The following FBXL7 variants were observed in gnomAD, a reference collection of about 807,000 sequenced individuals.
FBXL7 encodes F-box and leucine rich repeat protein 7.
Under a neutral mutation model 38.3 loss-of-function variants are expected in FBXL7, and 12 were observed. That is an observed-to-expected ratio of 0.31 (90% CI 0.20 to 0.51). FBXL7 has a LOEUF of 0.51. Ranked by LOEUF, FBXL7 falls within the 20% of genes least tolerant of loss-of-function variation. The pLI, the probability that FBXL7 is intolerant of heterozygous loss-of-function variation, is 0.98. For synonymous variants in FBXL7, 297 were observed against 300.9 expected (o/e 0.99, Z 0.13); for missense variants, 567 against 676.4 (o/e 0.84, Z 1.79).
At chr5:15,612,621 T>G (rs558308309) in intron 1 of FBXL7, among the ~76,000 whole-genome samples, 78 of 152,292 alleles carry the variant, frequency 5.1e-4, no homozygotes, top group African/African-American at 1.6e-3. Context: ...TGAGTTATAT[T>G]GTCCAAGTTT....
At chr5:15,652,727 G>T (rs1278706515) in intron 2 of FBXL7, among the ~76,000 whole-genome samples, 1 of 152,162 alleles carries the variant, frequency 6.6e-6, no homozygotes, top group Non-Finnish European at 1.5e-5. Flanking sequence ...ATTCAATACT[G>T]GTGTGTCTTA....
intron 1 of FBXL7, among the ~76,000 whole-genome samples, chr5:15,519,469 CAAAA>C (rs946903390): frequency 2.0e-5 from 3 of 148,192 alleles, no homozygotes; most frequent in South Asian, 2.1e-4. Context: ...AACAAACAAA[CAAAA>C]AAAACTTGTT....
intron 1 of FBXL7, among the ~76,000 whole-genome samples, chr5:15,502,555 G>A (rs535790146): frequency 6.6e-6 from 1 of 152,292 alleles, no homozygotes; most frequent in South Asian, 2.1e-4. Context: ...AGGACCAATA[G>A]GAAGCTTTAC....
chr5:15,914,212 C>T (rs893851574), intron 2 of FBXL7, among the ~76,000 whole-genome samples: 3 of 151,888 alleles, frequency 2.0e-5, no homozygotes, highest in Non-Finnish European at 4.4e-5. Flanking sequence ...TGATAAAACC[C>T]TGTCTCTACT....
At chr5:15,933,336 C>T (rs1053026121) in intron 3 of FBXL7, among the ~76,000 whole-genome samples, 14 of 152,194 alleles carry the variant, frequency 9.2e-5, no homozygotes, top group Admixed American at 2.6e-4. Context: ...AATATATTAT[C>T]TTTCCTAGAG....
At chr5:15,571,815 G>A (rs536720203) in intron 1 of FBXL7, among the ~76,000 whole-genome samples, 24 of 152,156 alleles carry the variant, frequency 1.6e-4, no homozygotes, top group African/African-American at 4.8e-4. Context: ...CAGCCGTGCC[G>A]TCGCAGATGC....
intron 2 of FBXL7, among the ~76,000 whole-genome samples, chr5:15,801,679 T>TTGTG (rs765733185): frequency 2.1e-5 from 3 of 141,278 alleles, no homozygotes; most frequent in African/African-American, 7.9e-5. Flanking sequence ...GTGTGTGTGT[T>TTGTG]TGTGTGTGTG....
intron 2 of FBXL7, among the ~76,000 whole-genome samples, chr5:15,697,037 G>C (rs1243664952): frequency 6.6e-6 from 1 of 152,182 alleles, no homozygotes; most frequent in Admixed American, 6.5e-5. Flanking sequence ...TGTTGCTGTG[G>C]AGTGATTGAG....
chr5:15,760,608 T>C (rs566914727), intron 2 of FBXL7, among the ~76,000 whole-genome samples: 65 of 152,214 alleles, frequency 4.3e-4, no homozygotes, highest in Non-Finnish European at 7.2e-4. Flanking sequence ...AAAGGTGAGA[T>C]GTGAAAACTA....
At chr5:15,607,880 G>A (rs1282674061) in intron 1 of FBXL7, among the ~76,000 whole-genome samples, 1 of 152,014 alleles carries the variant, frequency 6.6e-6, no homozygotes, top group East Asian at 1.9e-4. Context: ...TTTTTCATTT[G>A]TCTTCCTTTG....
rs111780904 is a variant in FBXL7, at chr5:15,753,423, T to A, written c.127+137351T>A. Among the ~76,000 whole-genome samples, 586 of 152,302 alleles carry A rather than the reference T, an allele frequency of 3.8e-3. 2 individuals carry two copies. The highest frequency in any genetic ancestry group is 0.013 in the African/African-American group (540 of 41,558). On this transcript the variant is annotated intron_variant, in intron 2 of 3. Transcript: ENST00000504595. ...GGTTGATCATAACTGGCCTTCTTTC[T>A]TCCTCATCTGTGAGCATACATCAAA... is the stretch of plus-strand genomic sequence containing the variant.
intron 2 of FBXL7, among the ~76,000 whole-genome samples, chr5:15,822,419 A>G (rs551217281): frequency 6.6e-6 from 1 of 152,192 alleles, no homozygotes; most frequent in East Asian, 1.9e-4. Flanking sequence ...GACTCAGGCA[A>G]TGAGGGCAAC....
At chr5:15,829,888 C>CA (rs1738407702) in intron 2 of FBXL7, among the ~76,000 whole-genome samples, 1 of 152,128 alleles carries the variant, frequency 6.6e-6, no homozygotes, top group Admixed American at 6.6e-5. Context: ...TGATTGCCTT[C>CA]AGGTTTTCTG....
At chr5:15,895,891 T>G (rs4702115) in intron 2 of FBXL7, among the ~76,000 whole-genome samples, 139,150 of 151,866 alleles carry the variant, frequency 0.92, 63,831 homozygotes, top group African/African-American at 0.96. Flanking sequence ...TGATCCACCT[T>G]CCTCAGCCTC....
At chr5:15,671,381 A>C (rs1742467677) in intron 2 of FBXL7, among the ~76,000 whole-genome samples, 1 of 152,146 alleles carries the variant, frequency 6.6e-6, no homozygotes, top group South Asian at 2.1e-4. Context: ...ATTTTTGCTC[A>C]TTCAATAAGG....
At chr5:15,855,866 T>G (rs564936776) in intron 2 of FBXL7, among the ~76,000 whole-genome samples, 1 of 152,208 alleles carries the variant, frequency 6.6e-6, no homozygotes, top group Admixed American at 6.5e-5. Context: ...AGTTTGAACT[T>G]GGTCACACTG....
intron 2 of FBXL7, among the ~76,000 whole-genome samples, chr5:15,641,293 G>T (rs1467856409): frequency 6.6e-6 from 1 of 152,136 alleles, no homozygotes; most frequent in Non-Finnish European, 1.5e-5. Context: ...GTACATTTGT[G>T]TAGAGAACCC....
intron 2 of FBXL7, among the ~76,000 whole-genome samples, chr5:15,776,550 C>T (rs1367977350): frequency 2.0e-5 from 3 of 152,146 alleles, no homozygotes; most frequent in Non-Finnish European, 2.9e-5. Context: ...GAACAAACAT[C>T]TTGCACCCAT....
intron 2 of FBXL7, among the ~76,000 whole-genome samples, chr5:15,745,249 T>C (rs1483755263): frequency 1.3e-5 from 2 of 152,154 alleles, no homozygotes; most frequent in South Asian, 2.1e-4. Context: ...ATAAAATGAA[T>C]GAATGAGTGA....
Sources: gnomAD v4.1 joint callset for allele counts (sites outside exome capture counted in the v4.1 genomes callset) on GRCh38, gnomAD v4.1.1 for gene constraint, MANE v1.5 for transcripts, NCBI Gene and HGNC (gene_info 2026-07-23, HGNC 2026-07-21) for gene names.